Variants in TMEM132D observed in about 807,000 individuals in gnomAD.
TMEM132D encodes mature OL transmembrane protein.
Under a neutral mutation model 62.3 loss-of-function variants are expected in TMEM132D, and 21 were observed. The ratio of observed to expected loss-of-function variants is 0.34; its 90% CI spans 0.24 to 0.49. The LOEUF is 0.49. TMEM132D is among the 20% of genes least tolerant of loss of function. TMEM132D has a pLI of 0.99. For synonymous variants in TMEM132D, 621 were observed against 575.6 expected (o/e 1.08, Z -1.13); for missense variants, 1,346 against 1,402.8 (o/e 0.96, Z 0.65).
chr12:129,550,673 G>A (rs1876869540), intron 2 of TMEM132D, among the ~76,000 whole-genome samples: 1 of 152,182 alleles, frequency 6.6e-6, no homozygotes, highest in Admixed American at 6.5e-5. Flanking sequence ...CACCAGGGGA[G>A]GTGAAGACAG....
chr12:129,215,544 T>C (rs961594001), intron 4 of TMEM132D, among the ~76,000 whole-genome samples: 6 of 152,214 alleles, frequency 3.9e-5, no homozygotes, highest in African/African-American at 1.4e-4. Flanking sequence ...TTCTGAAAGA[T>C]GTCTTTCCTT....
At chr12:129,831,291 C>A (rs1282088001) in intron 1 of TMEM132D, among the ~76,000 whole-genome samples, 1 of 152,240 alleles carries the variant, frequency 6.6e-6, no homozygotes, top group Non-Finnish European at 1.5e-5. Context: ...TGACAGATGA[C>A]CCTTTCAAGG....
chr12:129,182,198 C>A (rs1044425801), intron 5 of TMEM132D, among the ~76,000 whole-genome samples: 29 of 152,114 alleles, frequency 1.9e-4, no homozygotes, highest in African/African-American at 6.5e-4. Flanking sequence ...TCCATCTCTA[C>A]TAAAAATACA....
intron 5 of TMEM132D, chr12:129,085,046 G>A (rs1874573794): frequency 2.4e-6 from 1 of 419,374 alleles, no homozygotes; most frequent in Non-Finnish European, 4.2e-6. Flanking sequence ...GTCCCTCAGA[G>A]TTACCCGGGA....
At chr12:129,294,580 C>T (rs1399533586) in intron 4 of TMEM132D, among the ~76,000 whole-genome samples, 2 of 152,118 alleles carry the variant, frequency 1.3e-5, no homozygotes, top group African/African-American at 4.8e-5. Context: ...GGACAGGTGA[C>T]TGGATGCAAG....
intron 4 of TMEM132D, among the ~76,000 whole-genome samples, chr12:129,237,623 T>C (rs1014122827): frequency 6.6e-6 from 1 of 152,204 alleles, no homozygotes; most frequent in African/African-American, 2.4e-5. Context: ...TTTTTAAAAC[T>C]GTATTGGTAT....
At chr12:129,861,692 T>G (rs921918608) in intron 1 of TMEM132D, among the ~76,000 whole-genome samples, 6 of 147,202 alleles carry the variant, frequency 4.1e-5, no homozygotes, top group African/African-American at 1.5e-4. Flanking sequence ...AATCAAAGGT[T>G]GCAATGAGCC....
chr12:129,172,423 C>T (rs1311824874), intron 5 of TMEM132D, among the ~76,000 whole-genome samples: 1 of 152,234 alleles, frequency 6.6e-6, no homozygotes, highest in Non-Finnish European at 1.5e-5. Flanking sequence ...TTTGCATTCA[C>T]AACTTGGCTA....
At chr12:129,332,048 T>C (rs951890232) in intron 4 of TMEM132D, among the ~76,000 whole-genome samples, 1 of 152,108 alleles carries the variant, frequency 6.6e-6, no homozygotes, top group Non-Finnish European at 1.5e-5. Flanking sequence ...CCATCTCTAC[T>C]AAAATATAAA....
intron 4 of TMEM132D, among the ~76,000 whole-genome samples, chr12:129,273,649 A>G (rs1253926283): frequency 6.6e-6 from 1 of 151,864 alleles, no homozygotes; most frequent in African/African-American, 2.4e-5. Flanking sequence ...CATTATCCTA[A>G]GCCAATTAAT....
chr12:129,325,589 A>T (rs1399449496), intron 4 of TMEM132D, among the ~76,000 whole-genome samples: 1 of 152,202 alleles, frequency 6.6e-6, no homozygotes, highest in Admixed American at 6.5e-5. Context: ...TGGGCTTGGC[A>T]GCTGGCATAA....
intron 2 of TMEM132D, among the ~76,000 whole-genome samples, chr12:129,568,968 C>T (rs564784186): frequency 2.0e-4 from 31 of 152,236 alleles, no homozygotes; most frequent in African/African-American, 7.5e-4. Context: ...GAAGGTTGGG[C>T]CCCATACCTG....
chr12:129,258,052 A>G (rs966608490), intron 4 of TMEM132D, among the ~76,000 whole-genome samples: 1 of 152,220 alleles, frequency 6.6e-6, no homozygotes, highest in East Asian at 1.9e-4. Flanking sequence ...GCACAATCCC[A>G]CCACCTTCCG....
Position 129,337,677 on chromosome 12 carries a change from T to C in TMEM132D, c.1256A>G (p.Tyr419Cys), listed in dbSNP as rs1869337494. 1 of 1,614,110 alleles carries C rather than the reference T, an allele frequency of 6.2e-7. No individual in the cohort carries two copies. The highest frequency in any genetic ancestry group is 8.5e-7 in the Non-Finnish European group (1 of 1,180,000). ...ITSDLGVSKIYVSPKDLIGVV... is the reference protein window; with the variant it reads ...ITSDLGVSKICVSPKDLIGVV... ...TCCAATCAAGTCCTTTGGGCTCACA[T>C]AGATCTTGGACACTCCCAAGTCAGA... Residue 419 changes from tyrosine to cysteine, a missense_variant, in exon 4 of 9, where the codon TAT (tyrosine) becomes TGT (cysteine). Transcript: ENST00000422113.
In TMEM132D at chr12:129,081,981, G is replaced by C. The variant is rs2135616684; in HGVS notation, c.1701C>G (p.Gly567=). The C allele has an allele frequency of 6.2e-7, 1 of 1,613,356 alleles. No individual in the cohort carries two copies. Among genetic ancestry groups the C allele is most frequent in the Non-Finnish European group, 8.5e-7 (1 of 1,179,566 alleles). Residue 567 remains glycine, a synonymous_variant, in exon 7 of 9, where the codon GGC becomes GGG. Coordinates refer to ENST00000422113, the MANE Select transcript of TMEM132D (RefSeq NM_133448.3). ...TGGCGTGCTGGTACTGCAGGGTGCA[G>C]CCGCGGCCCCTCCGCTCATCATCCT... ...EEEDDERRGR[G]CTLQYQHAMV...
intron 2 of TMEM132D, among the ~76,000 whole-genome samples, chr12:129,548,824 T>C (rs555295719): frequency 1.4e-3 from 210 of 152,360 alleles, no homozygotes; most frequent in Middle Eastern, 0.01. Flanking sequence ...AGAAAGCACA[T>C]TTAAGTATTT....
chr12:129,446,667 C>T (rs923647718), intron 3 of TMEM132D, among the ~76,000 whole-genome samples: 1 of 152,208 alleles, frequency 6.6e-6, no homozygotes, highest in Non-Finnish European at 1.5e-5. Flanking sequence ...AGCATTACTG[C>T]TTCCCATGCC....
intron 3 of TMEM132D, among the ~76,000 whole-genome samples, chr12:129,403,844 G>C (rs1248204202): frequency 6.6e-6 from 1 of 152,184 alleles, no homozygotes. Context: ...TTTAAGCAAA[G>C]ACCTAAATGA....
At chr12:129,648,102 G>A (rs1879832946) in intron 2 of TMEM132D, among the ~76,000 whole-genome samples, 1 of 152,096 alleles carries the variant, frequency 6.6e-6, no homozygotes, top group Non-Finnish European at 1.5e-5. Flanking sequence ...CAGGAGTCCT[G>A]CAGCCAGAGG....
Sources: gnomAD v4.1 joint callset for allele counts (sites outside exome capture counted in the v4.1 genomes callset) on GRCh38, gnomAD v4.1.1 for gene constraint, MANE v1.5 for transcripts, NCBI Gene and HGNC (gene_info 2026-07-23, HGNC 2026-07-21) for gene names.